Variants in ANKMY2 observed in about 807,000 individuals in gnomAD.
The protein encoded by ANKMY2 is ankyrin repeat and MYND domain containing 2.
ANKMY2 carries 36 observed loss-of-function variants against 50.4 expected under a neutral mutation model. That is an observed-to-expected ratio of 0.71 (90% CI 0.55 to 0.94). The LOEUF (loss-of-function observed/expected upper bound fraction) is 0.94, where lower values mean the gene tolerates loss of function less well. ANKMY2 is among the 40% of genes least tolerant of loss of function. ANKMY2 has a pLI of 0.00. For synonymous variants in ANKMY2, 187 were observed against 178.8 expected (o/e 1.05, Z -0.36); for missense variants, 565 against 524.0 (o/e 1.08, Z -0.76).
chr7:16,629,098 G>A (rs1408902587), intron 2 of ANKMY2, among the ~76,000 whole-genome samples: 2 of 152,050 alleles, frequency 1.3e-5, no homozygotes, highest in Non-Finnish European at 2.9e-5. Flanking sequence ...CCATTTACGT[G>A]TCTCCTATTA....
At chr7:16,643,210 T>A (rs1183986072) in intron 1 of ANKMY2, among the ~76,000 whole-genome samples, 1 of 152,156 alleles carries the variant, frequency 6.6e-6, no homozygotes, top group African/African-American at 2.4e-5. Context: ...CACCAGTAAA[T>A]GAGTTAGAAT....
At chr7:16,627,287 G>T in intron 2 of ANKMY2, 109 bp from the exon 3 acceptor site, 1 of 617,760 alleles carries the variant, frequency 1.6e-6, no homozygotes, top group East Asian at 3.2e-5. Flanking sequence ...TAATTAAAAT[G>T]GTCATTATAA....
At chr7:16,625,548 T>G (rs1347655911) in intron 3 of ANKMY2, among the ~76,000 whole-genome samples, 1 of 152,220 alleles carries the variant, frequency 6.6e-6, no homozygotes, top group Non-Finnish European at 1.5e-5. Flanking sequence ...ACATACACAT[T>G]ATTCTATTCA....
At chr7:16,629,605 G>T (rs1197066727) in intron 2 of ANKMY2, among the ~76,000 whole-genome samples, 3 of 151,892 alleles carry the variant, frequency 2.0e-5, no homozygotes, top group Non-Finnish European at 2.9e-5. Context: ...TGCTCTTTTT[G>T]TCATGTGTAT....
intron 8 of ANKMY2, chr7:16,603,698 T>C (rs1022147942): frequency 4.2e-6 from 2 of 471,056 alleles, no homozygotes; most frequent in Non-Finnish European, 8.8e-6. Context: ...TTGGGCCATG[T>C]AATTTGTTTC....
chr7:16,644,687 G>A (rs1456206750), intron 1 of ANKMY2: 1 of 471,152 alleles, frequency 2.1e-6, no homozygotes, highest in Non-Finnish European at 4.4e-6. Context: ...GATGTCACCT[G>A]CCAGGTAACG....
At position 16,625,041 on chromosome 7, in the gene ANKMY2, A is replaced by G; in HGVS notation, c.312T>C (p.Ala104=). 1 of 1,614,134 alleles carries G rather than the reference A, an allele frequency of 6.2e-7. No homozygotes were observed. Residue 104 remains alanine (A), a synonymous_variant, in exon 4 of 10, where the codon GCT becomes GCC. Coordinates refer to ENST00000306999, the MANE Select transcript of ANKMY2 (RefSeq NM_020319.3). The stretch of plus-strand genomic sequence containing the variant: ...CCACAGAGTTGACAACATCTGTCTC[A>G]GCACCAGCTTCTAACATTACCCATG... The part of the protein sequence containing the change: ...DITWVMLEAG[A]ETDVVNSVGR...
At chr7:16,627,665 A>T (rs1320468271) in intron 2 of ANKMY2, among the ~76,000 whole-genome samples, 1 of 152,232 alleles carries the variant, frequency 6.6e-6, no homozygotes, top group Non-Finnish European at 1.5e-5. Context: ...TTCACAAATT[A>T]TTGTCAATGA....
At chr7:16,604,121 G>A (rs569276945) in intron 8 of ANKMY2, among the ~76,000 whole-genome samples, 1 of 152,302 alleles carries the variant, frequency 6.6e-6, no homozygotes, top group South Asian at 2.1e-4. Flanking sequence ...CAACCTTAAA[G>A]TCAACAGGCA....
chr7:16,619,863 T>G (rs1210057742), intron 4 of ANKMY2, among the ~76,000 whole-genome samples: 1 of 152,150 alleles, frequency 6.6e-6, no homozygotes, highest in Non-Finnish European at 1.5e-5. Flanking sequence ...CCTTTTCAAA[T>G]TTTTTACTTT....
intron 3 of ANKMY2, among the ~76,000 whole-genome samples, chr7:16,625,803 T>G (rs2128344629): frequency 6.6e-6 from 1 of 152,294 alleles, no homozygotes; most frequent in South Asian, 2.1e-4. Context: ...ATTATAGCTC[T>G]TTCTTAACAT....
intron 5 of ANKMY2, among the ~76,000 whole-genome samples, 192 bp from the exon 6 acceptor site, chr7:16,610,955 T>A (rs1327737293): frequency 6.6e-6 from 1 of 152,232 alleles, no homozygotes; most frequent in Non-Finnish European, 1.5e-5. Flanking sequence ...CCTGAAATAG[T>A]GGAATCTCTT....
chr7:16,604,331 T>G (rs1781118809), intron 8 of ANKMY2, among the ~76,000 whole-genome samples: 1 of 152,218 alleles, frequency 6.6e-6, no homozygotes, highest in African/African-American at 2.4e-5. Context: ...GACACTGTCA[T>G]TAAAGTCAAC....
Position 16,645,584 on chromosome 7 carries a change from A to T in ANKMY2, c.-11T>A, listed in dbSNP as rs1270999833. Reference sequence around the variant, plus strand: ...CTTTATGTGAACCATTGCTCCCGCCAGCTTGAAGGTTATTCCCTTTCTTAG... The same window carrying T: ...CTTTATGTGAACCATTGCTCCCGCCTGCTTGAAGGTTATTCCCTTTCTTAG... On this transcript the variant is annotated 5_prime_UTR_variant, in exon 1 of 10. Transcript: ENST00000306999. 6.2e-7 allele frequency: 1 copy of T among 1,610,090 alleles called. No homozygotes were observed. Among genetic ancestry groups the T allele is most frequent in the South Asian group, 1.1e-5 (1 of 90,488 alleles).
At chr7:16,618,346 A>G (rs1383538124) in intron 4 of ANKMY2, among the ~76,000 whole-genome samples, 1 of 152,206 alleles carries the variant, frequency 6.6e-6, no homozygotes, top group Non-Finnish European at 1.5e-5. Flanking sequence ...AAAAATTCAG[A>G]TATAGAAATC....
chr7:16,623,071 T>C (rs1390887831), intron 4 of ANKMY2, among the ~76,000 whole-genome samples: 1 of 152,136 alleles, frequency 6.6e-6, no homozygotes, highest in East Asian at 1.9e-4. Flanking sequence ...CCATGATGTA[T>C]TAGTAAGTGA....
chr7:16,630,176 T>C (rs1781562471), intron 2 of ANKMY2, among the ~76,000 whole-genome samples: 1 of 152,198 alleles, frequency 6.6e-6, no homozygotes, highest in Non-Finnish European at 1.5e-5. Flanking sequence ...AAGGTAGTGA[T>C]AAATTTCATA....
intron 2 of ANKMY2, among the ~76,000 whole-genome samples, chr7:16,631,022 A>G (rs1243802541): frequency 1.3e-5 from 2 of 152,222 alleles, no homozygotes; most frequent in Non-Finnish European, 2.9e-5. Context: ...TGGTACTTCT[A>G]TTTGAACATT....
intron 6 of ANKMY2, 25 bp from the exon 7 acceptor site, chr7:16,609,790 A>G (rs1289902462): frequency 1.2e-6 from 2 of 1,606,734 alleles, no homozygotes; most frequent in South Asian, 2.2e-5. Context: ...TTAAAGCGTA[A>G]TTGGAGTTGA....
Sources: allele counts gnomAD v4.1 joint callset (sites outside exome capture counted in the v4.1 genomes callset), GRCh38; gene constraint gnomAD v4.1.1; transcripts MANE v1.5; gene names NCBI Gene and HGNC (gene_info 2026-07-23, HGNC 2026-07-21).